The following CEP63 variants were observed in gnomAD, a reference collection of about 807,000 sequenced individuals.
CEP63 encodes centrosomal protein of 63 kDa.
In CEP63, 84 loss-of-function variants were observed where a neutral mutation model predicts 89.1. That is an observed-to-expected ratio of 0.94 (90% CI 0.79 to 1.13). The LOEUF (loss-of-function observed/expected upper bound fraction) is 1.13. Among genes scored for constraint, CEP63 ranks in the 50% most tolerant of loss-of-function variants. CEP63 has a pLI of 0.00. For synonymous variants in CEP63, 267 were observed against 272.5 expected (o/e 0.98, Z 0.20); for missense variants, 838 against 813.3 (o/e 1.03, Z -0.37).
chr3:134,567,315 A>G (rs1272552616), downstream of CEP63, among the ~76,000 whole-genome samples: 1 of 152,086 alleles, frequency 6.6e-6, no homozygotes, highest in Non-Finnish European at 1.5e-5. Flanking sequence ...GGTGAAGACT[A>G]AAGGGTATGG....
the CEP63 span, among the ~76,000 whole-genome samples, chr3:134,662,245 C>G: frequency 4.4e-4 from 66 of 150,194 alleles, no homozygotes; most frequent in Non-Finnish European, 7.2e-4. Flanking sequence ...CCATTGCTCT[C>G]TAGCCTGGGA....
At chr3:134,547,692 C>T (rs1343627264) in intron 9 of CEP63, among the ~76,000 whole-genome samples, 1 of 139,568 alleles carries the variant, frequency 7.2e-6, no homozygotes, top group Non-Finnish European at 1.5e-5. Context: ...CTCACTGCAA[C>T]CTCCGCCTCC....
At chr3:134,560,715 T>A (rs1430737557) in intron 14 of CEP63, among the ~76,000 whole-genome samples, 1 of 152,080 alleles carries the variant, frequency 6.6e-6, no homozygotes, top group Non-Finnish European at 1.5e-5. Context: ...AGGATTATGC[T>A]CTCTGTGTGG....
At chr3:134,486,574 G>T in intron 1 of CEP63, 5 of 975,700 alleles carry the variant, frequency 5.1e-6, no homozygotes, top group Non-Finnish European at 6.1e-6. Flanking sequence ...AGCGAGCTGC[G>T]CCCAGTACTC....
chr3:134,506,564 G>T (rs75858178), intron 2 of CEP63, among the ~76,000 whole-genome samples: 11,695 of 152,164 alleles, frequency 0.077, 628 homozygotes, highest in Middle Eastern at 0.18. Flanking sequence ...CTTTAGGTTG[G>T]CTATGAGAGG....
At chr3:134,619,914 TG>T in the CEP63 span, 1 of 152,536 alleles carries the variant, frequency 6.6e-6, no homozygotes, top group Non-Finnish European at 1.5e-5. Context: ...GGAGCTGAGC[TG>T]GGGGTCTCTC....
chr3:134,632,744 A>T, the CEP63 span, among the ~76,000 whole-genome samples: 1 of 151,950 alleles, frequency 6.6e-6, no homozygotes, highest in Admixed American at 6.5e-5. Context: ...GAAGAAAATC[A>T]TAAAAATAAG....
intron 1 of CEP63, among the ~76,000 whole-genome samples, chr3:134,494,316 A>T (rs1938942970): frequency 6.7e-6 from 1 of 149,894 alleles, no homozygotes; most frequent in Admixed American, 6.7e-5. Context: ...GAGTTTTACC[A>T]TGTTGGCCAG....
At chr3:134,495,451 TATA>T in intron 2 of CEP63, 87 bp downstream of exon 2, 1 of 840,530 alleles carries the variant, frequency 1.2e-6, no homozygotes. Context: ...GATACATACA[TATA>T]ATGTGTAATG....
the CEP63 span, among the ~76,000 whole-genome samples, chr3:134,696,307 G>A: frequency 6.6e-6 from 1 of 152,154 alleles, no homozygotes; most frequent in African/African-American, 2.4e-5. Flanking sequence ...GACAAGCTCT[G>A]TACTATGGCA....
the CEP63 span, among the ~76,000 whole-genome samples, chr3:134,776,555 T>C: frequency 6.6e-6 from 1 of 152,222 alleles, no homozygotes; most frequent in Non-Finnish European, 1.5e-5. Flanking sequence ...TTCTAGTCTC[T>C]GGTAGTAATT....
At chr3:134,550,602 A>C (rs1215758788) in intron 11 of CEP63, among the ~76,000 whole-genome samples, 1 of 152,226 alleles carries the variant, frequency 6.6e-6, no homozygotes, top group Admixed American at 6.5e-5. Flanking sequence ...TTTCAGGCAC[A>C]GGAAAATACA....
At chr3:134,580,056 A>C (rs1958307597) in intron 10 of CEP63, among the ~76,000 whole-genome samples, 1 of 152,134 alleles carries the variant, frequency 6.6e-6, no homozygotes, top group Admixed American at 6.6e-5. Flanking sequence ...TTAGCTGGGC[A>C]TGATGGTGGG....
chr3:134,736,173 C>T, the CEP63 span, among the ~76,000 whole-genome samples: 1 of 151,940 alleles, frequency 6.6e-6, no homozygotes, highest in Non-Finnish European at 1.5e-5. Context: ...AATCATCATG[C>T]GTATATTAAA....
the CEP63 span, chr3:134,628,177 A>T: frequency 8.4e-5 from 23 of 274,622 alleles, no homozygotes; most frequent in African/African-American, 4.8e-4. Flanking sequence ...CCACTGCCAG[A>T]TAATGCCGGG....
At chr3:134,781,198 C>T in the CEP63 span, among the ~76,000 whole-genome samples, 2 of 152,120 alleles carry the variant, frequency 1.3e-5, no homozygotes, top group African/African-American at 4.8e-5. Context: ...GTTATTCTTG[C>T]CTCTGCTTTT....
At chr3:134,756,086 C>A in the CEP63 span, among the ~76,000 whole-genome samples, 1 of 152,224 alleles carries the variant, frequency 6.6e-6, no homozygotes, top group Non-Finnish European at 1.5e-5. Context: ...GTGCTGGGAA[C>A]TTGCCCAGCC....
chr3:134,659,146 A>C, the CEP63 span, among the ~76,000 whole-genome samples: 2 of 152,198 alleles, frequency 1.3e-5, no homozygotes, highest in Non-Finnish European at 2.9e-5. Context: ...GATGAAGATC[A>C]ATCTGTCTTT....
chr3:134,562,454 T>A lies in CEP63; in HGVS notation c.*919T>A, dbSNP rs1957440627. On this transcript the variant is annotated 3_prime_UTR_variant, in exon 15 of 15. Coordinates refer to ENST00000675561, the MANE Select transcript of CEP63 (RefSeq NM_001353108.3). Reference sequence around the variant, plus strand: ...TGTAGTGTACTTGCCAGCTCAAGGGTGTGGCCTCTGTGAACCCTCTTTCTG... The same window carrying A: ...TGTAGTGTACTTGCCAGCTCAAGGGAGTGGCCTCTGTGAACCCTCTTTCTG... 6.5e-6 allele frequency: 1 copy of A among 153,874 alleles called. No individual in the cohort carries two copies. Among genetic ancestry groups the A allele is most frequent in the Admixed American group, 6.5e-5 (1 of 15,272 alleles). 9.5% of individuals were successfully genotyped at this position (153,874 alleles called of 1,614,324 possible). A position where few individuals can be genotyped will look rare whatever the true frequency, so the allele number is the denominator to read the frequency against.
Sources: gnomAD v4.1 joint callset for allele counts (sites outside exome capture counted in the v4.1 genomes callset) on GRCh38, gnomAD v4.1.1 for gene constraint, MANE v1.5 for transcripts, NCBI Gene and HGNC (gene_info 2026-07-23, HGNC 2026-07-21) for gene names.